Variants in MCM6 observed in about 807,000 individuals in gnomAD.
MCM6 encodes DNA replication licensing factor MCM6.
In MCM6, 46 loss-of-function variants were observed where a neutral mutation model predicts 94.3. That is an observed-to-expected ratio of 0.49 (90% CI 0.39 to 0.62). The LOEUF (loss-of-function observed/expected upper bound fraction) is 0.62, where lower values mean the gene tolerates loss of function less well. Ranked by LOEUF, MCM6 falls within the 20% of genes least tolerant of loss-of-function variation. MCM6 has a pLI of 0.00. For synonymous variants in MCM6, 335 were observed against 351.9 expected (o/e 0.95, Z 0.54); for missense variants, 865 against 1,017.9 (o/e 0.85, Z 2.04).
chr2:135,844,688 C>CAAAAAA lies in MCM6; in HGVS notation c.2210-5_2210-4insTTTTTT. 6.5e-7 allele frequency: 1 copy of CAAAAAA among 1,536,274 alleles called. No homozygotes were observed. Among genetic ancestry groups the CAAAAAA allele is most frequent in the Admixed American group, 2.2e-5 (1 of 45,052 alleles). ...TTTAATGCTGACTCGTCCTCTTCTG[C>CAAAAAA]AACAAAAAAACACATTCAAATTATC... On this transcript the variant is annotated splice_region_variant and splice_polypyrimidine_tract_variant and intron_variant, in intron 15 of 16. Coordinates refer to ENST00000264156, the MANE Select transcript of MCM6 (RefSeq NM_005915.6).
chr2:135,851,290 G>T, intron 13 of MCM6, 112 bp downstream of exon 13: 2 of 804,316 alleles, frequency 2.5e-6, no homozygotes, highest in Non-Finnish European at 3.8e-6. Flanking sequence ...GCATTCAACA[G>T]TTACATAAAA....
intron 11 of MCM6, among the ~76,000 whole-genome samples, chr2:135,855,763 A>G (rs891801308): frequency 6.6e-6 from 1 of 152,248 alleles, no homozygotes; most frequent in African/African-American, 2.4e-5. Flanking sequence ...AGAGCTGTGC[A>G]CTGTACCCAA....
chr2:135,859,508 C>A (rs1221797460), intron 8 of MCM6, 66 bp from the exon 9 acceptor site: 1 of 1,148,926 alleles, frequency 8.7e-7, no homozygotes, highest in African/African-American at 1.6e-5. Context: ...CCAGGAAAAC[C>A]AGCAGAAGAG....
intron 3 of MCM6, 122 bp from the exon 4 acceptor site, chr2:135,868,982 T>C (rs955647402): frequency 4.7e-6 from 4 of 849,920 alleles, no homozygotes; most frequent in Non-Finnish European, 7.3e-6. Context: ...AGACAAGGTA[T>C]TCTTTGGACT....
At chr2:135,841,950 C>T (rs4988275) in intron 16 of MCM6, among the ~76,000 whole-genome samples, 4,386 of 151,984 alleles carry the variant, frequency 0.029, 91 homozygotes, top group East Asian at 0.06. Flanking sequence ...ACTAAAAATA[C>T]AAAAATTAGC....
chr2:135,872,624 T>G, intron 2 of MCM6, 73 bp downstream of exon 2: 1 of 1,476,034 alleles, frequency 6.8e-7, no homozygotes, highest in South Asian at 1.2e-5. Flanking sequence ...AAGTGAACAC[T>G]TACAGTCCAA....
At chr2:135,862,872 A>T in intron 7 of MCM6, 124 bp from the exon 8 acceptor site, 3 of 932,588 alleles carry the variant, frequency 3.2e-6, no homozygotes, top group Non-Finnish European at 4.8e-6. Context: ...CAAAGCATAA[A>T]ACTGGAGTAA....
At chr2:135,872,880 A>T in intron 1 of MCM6, 37 bp from the exon 2 acceptor site, 1 of 1,608,754 alleles carries the variant, frequency 6.2e-7, no homozygotes, top group Non-Finnish European at 8.5e-7. Context: ...TTAAGGACAC[A>T]GGCAGTACAA....
chr2:135,872,578 T>C, intron 2 of MCM6, 119 bp downstream of exon 2: 1 of 1,068,296 alleles, frequency 9.4e-7, no homozygotes. Context: ...CTCTTCTCAG[T>C]GGGAAATAAC....
At chr2:135,858,025 C>A (rs762956995) in intron 9 of MCM6, 21 bp from the exon 10 acceptor site, 3 of 1,605,472 alleles carry the variant, frequency 1.9e-6, no homozygotes, top group South Asian at 1.1e-5. Flanking sequence ...ACAAATCAAG[C>A]CTAAGAAGCT....
chr2:135,842,630 G>GC (rs1017360359), intron 16 of MCM6, among the ~76,000 whole-genome samples: 37 of 152,234 alleles, frequency 2.4e-4, no homozygotes, highest in African/African-American at 8.4e-4. Flanking sequence ...CAGGGTGACA[G>GC]CAAGAGCAGA....
chr2:135,846,311 G>A lies in MCM6; in HGVS notation c.2135C>T (p.Ser712Phe), dbSNP rs996155419. Residue 712 changes from serine (S) to phenylalanine (F), a missense_variant, in exon 15 of 17, where the codon TCC (serine) becomes TTC (phenylalanine). This residue lies in a region of MCM6 where 308 missense variants were observed against 324.5 expected (regional missense o/e 0.95). Coordinates refer to ENST00000264156, the MANE Select transcript of MCM6 (RefSeq NM_005915.6). ...DINQESAPKA[S>F]LRLGFSEYCR... ...GTACTCAGAGAAGCCCAGCCTTAAG[G>A]AGGCTTTGGGAGCAGACTCTTGATT... is the stretch of plus-strand genomic sequence containing the variant. 1.2e-6 allele frequency: 2 copies of A among 1,614,076 alleles called. No homozygotes were observed.
Position 135,851,349 on chromosome 2 carries a change from A to G in MCM6, c.1917+53T>C, listed in dbSNP as rs915408109. 2.8e-6 allele frequency: 4 copies of G among 1,442,790 alleles called. No individual in the cohort carries two copies. In the African/African-American group the frequency reaches 4.2e-5, roughly 15 times the overall value. The allele number at this position is 1,442,790 out of a possible 1,614,324, so 89.4% of individuals were successfully genotyped here. A position where few individuals can be genotyped will look rare whatever the true frequency, so the allele number is the denominator to read the frequency against. On this transcript the variant is annotated intron_variant, in intron 13 of 16. Transcript: ENST00000264156. Reference sequence around the variant, plus strand: ...ATGTCCCATACCAAAGATTAAAAACATGCAACAAATCTGTTTATCTCTGCT... The same window carrying G: ...ATGTCCCATACCAAAGATTAAAAACGTGCAACAAATCTGTTTATCTCTGCT...
chr2:135,876,158 G>C (rs1288769892), intron 1 of MCM6, 101 bp downstream of exon 1: 1 of 892,038 alleles, frequency 1.1e-6, no homozygotes. Context: ...CCGGACGCGC[G>C]ACCCCCAGGT....
In MCM6 at chr2:135,866,292, T is replaced by C. The variant is rs764820368; in HGVS notation, c.782-15A>G. 6.2e-7 allele frequency: 1 copy of C among 1,612,976 alleles called. No individual in the cohort carries two copies. The stretch of plus-strand genomic sequence containing the variant: ...TGCACGTGCTCCTGAAACAGAATGA[T>C]AGGTTGTTTCACAACTTAAATATTA... On this transcript the variant is annotated splice_polypyrimidine_tract_variant and intron_variant, in intron 5 of 16. Transcript: ENST00000264156.
intron 7 of MCM6, among the ~76,000 whole-genome samples, chr2:135,863,900 C>T (rs1423182014): frequency 1.3e-5 from 2 of 152,144 alleles, no homozygotes; most frequent in Non-Finnish European, 2.9e-5. Flanking sequence ...CACTTGAGGT[C>T]AGGAGTTCAA....
intron 2 of MCM6, 125 bp from the exon 3 acceptor site, chr2:135,870,486 G>A: frequency 1.5e-6 from 1 of 651,474 alleles, no homozygotes; most frequent in South Asian, 1.9e-5. Context: ...GAACTTAACT[G>A]TGTAGGACAC....
intron 11 of MCM6, among the ~76,000 whole-genome samples, chr2:135,856,433 G>T (rs1368587374): frequency 6.6e-6 from 1 of 152,100 alleles, no homozygotes; most frequent in Non-Finnish European, 1.5e-5. Context: ...CCAGTGAGAG[G>T]CTGTTTAAAA....
At chr2:135,873,732 G>A (rs976589690) in intron 1 of MCM6, among the ~76,000 whole-genome samples, 2 of 152,196 alleles carry the variant, frequency 1.3e-5, no homozygotes, top group East Asian at 1.9e-4. Context: ...CTTTGTCTGC[G>A]TCTAGGGAGT....
Sources: allele counts gnomAD v4.1 joint callset (sites outside exome capture counted in the v4.1 genomes callset), GRCh38; gene constraint gnomAD v4.1.1; regional missense constraint gnomAD v4.1.1; transcripts MANE v1.5; gene names NCBI Gene and HGNC (gene_info 2026-07-23, HGNC 2026-07-21).